Variants in PDE12 observed in about 807,000 individuals in gnomAD.
PDE12 encodes the protein 2',5'-phosphodiesterase 12.
PDE12 carries 26 observed loss-of-function variants against 45.4 expected under a neutral mutation model. The observed-to-expected ratio is 0.57, with a 90% CI of 0.42 to 0.79. The LOEUF is 0.79. PDE12 is among the 30% of genes least tolerant of loss of function. The pLI, the probability that PDE12 is intolerant of heterozygous loss-of-function variation, is 0.00. For missense variants in PDE12, 668 were observed against 790.0 expected, an observed-to-expected ratio of 0.85 and a Z score of 1.85; for synonymous variants, 283 against 323.9, an observed-to-expected ratio of 0.87 and a Z score of 1.36.
chr3:57,652,457 G>T, the PDE12 span, among the ~76,000 whole-genome samples: 1 of 152,078 alleles, frequency 6.6e-6, no homozygotes, highest in East Asian at 1.9e-4. Context: ...CAACTTGACT[G>T]CAACCACATA....
At chr3:57,636,020 T>G in the PDE12 span, among the ~76,000 whole-genome samples, 1 of 152,180 alleles carries the variant, frequency 6.6e-6, no homozygotes, top group African/African-American at 2.4e-5. Flanking sequence ...TCCCCTAGCT[T>G]ACTTTATTAT....
At chr3:57,568,068 C>CAA (rs11360766), downstream of PDE12, among the ~76,000 whole-genome samples, 121 of 47,502 alleles carry the variant, frequency 2.5e-3, 1 homozygote, top group African/African-American at 6.4e-3. Context: ...GACTCCATCT[C>CAA]AAAAAAAAAA....
At chr3:57,634,470 A>ATTAGTAT in the PDE12 span, 2 of 641,820 alleles carry the variant, frequency 3.1e-6, no homozygotes, top group Admixed American at 4.2e-5. Context: ...CCTATTTCAC[A>ATTAGTAT]TTAGTATACA....
chr3:57,631,809 G>A, the PDE12 span, among the ~76,000 whole-genome samples: 2 of 133,678 alleles, frequency 1.5e-5, no homozygotes, highest in Admixed American at 8.7e-5. Flanking sequence ...TGCAAGCTCT[G>A]CCTCTTGGGT....
the PDE12 span, among the ~76,000 whole-genome samples, chr3:57,580,200 T>A: frequency 6.6e-6 from 1 of 152,168 alleles, no homozygotes; most frequent in Admixed American, 6.5e-5. Context: ...TTATATATAT[T>A]ATCTAATCCT....
the PDE12 span, among the ~76,000 whole-genome samples, chr3:57,648,621 G>A: frequency 0.16 from 24,645 of 152,036 alleles, 2,675 homozygotes; most frequent in East Asian, 0.48. Flanking sequence ...AAACTACACT[G>A]TAAAGCCATA....
chr3:57,628,679 T>G, the PDE12 span: 1 of 894,614 alleles, frequency 1.1e-6, no homozygotes, highest in Non-Finnish European at 1.7e-6. Context: ...GTATCTACCA[T>G]CAATTGACCA....
the PDE12 span, among the ~76,000 whole-genome samples, chr3:57,589,729 CAAAA>C: frequency 3.3e-5 from 5 of 149,486 alleles, no homozygotes; most frequent in African/African-American, 1.2e-4. Context: ...AAAAAACAAA[CAAAA>C]AACCCAAAAA....
chr3:57,624,154 C>CTT, the PDE12 span, among the ~76,000 whole-genome samples: 2 of 144,190 alleles, frequency 1.4e-5, no homozygotes, highest in Admixed American at 7.0e-5. Flanking sequence ...TGTCTGACTA[C>CTT]TTTTTTTTTT....
At chr3:57,569,829 C>CAAA (rs11310053), downstream of PDE12, among the ~76,000 whole-genome samples, 311 of 67,590 alleles carry the variant, frequency 4.6e-3, 6 homozygotes, top group African/African-American at 0.015. Flanking sequence ...AAAACCATCT[C>CAAA]AAAAAAAAAA....
At position 57,559,973 on chromosome 3, in the gene PDE12, T is replaced by C. The variant is rs1285130624; in HGVS notation, c.1799T>C (p.Ile600Thr). 3 of 1,610,250 alleles carry C rather than the reference T, an allele frequency of 1.9e-6. No homozygotes were observed. Among genetic ancestry groups the C allele is most frequent in the Non-Finnish European group, 2.5e-6 (3 of 1,179,190 alleles). ...LPSVSHPSDH[I>T]ALVCDLKWK Reference sequence around the variant, plus strand: ...AGTGTTTCCCATCCCTCTGATCACATAGCACTTGTATGTGATTTAAAATGG... The same window carrying C: ...AGTGTTTCCCATCCCTCTGATCACACAGCACTTGTATGTGATTTAAAATGG... Residue 600 changes from isoleucine (I) to threonine (T), a missense_variant, in exon 3 of 3, where the codon ATA becomes ACA. Ile to Thr is a moderately conservative substitution (Grantham distance 89). Around this residue, in one of 3 missense-constraint regions of PDE12, gnomAD observed 79 missense variants for 97.9 expected, o/e 0.81. Coordinates refer to ENST00000311180, the MANE Select transcript of PDE12 (RefSeq NM_177966.7).
chr3:57,625,641 A>T, the PDE12 span: 1 of 145,644 alleles, frequency 6.9e-6, no homozygotes, highest in African/African-American at 2.5e-5. Context: ...AATTCTTCTT[A>T]AAAAAAAAAA....
chr3:57,583,306 T>A, the PDE12 span, among the ~76,000 whole-genome samples: 2 of 152,188 alleles, frequency 1.3e-5, no homozygotes, highest in Non-Finnish European at 2.9e-5. Context: ...GATATTCTGA[T>A]TCAAGTCATC....
rs780535611 is a variant in PDE12 at position 57,556,718 on chromosome 3, T to C, written c.339T>C (p.Pro113=). Residue 113 remains proline (P), a synonymous_variant, in exon 1 of 3, where the codon CCT becomes CCC. Coordinates refer to ENST00000311180, the MANE Select transcript of PDE12 (RefSeq NM_177966.7). The surrounding 1 kb of genome is among the most constrained non-coding windows in gnomAD (Gnocchi z 5.0). ...SGGAACSGPG[P]EPAVFCEPVV... ...GTGCGGCCTGTTCAGGGCCGGGGCCTGAGCCGGCTGTGTTCTGCGAGCCCG... is the reference window on the plus strand; with the variant it reads ...GTGCGGCCTGTTCAGGGCCGGGGCCCGAGCCGGCTGTGTTCTGCGAGCCCG... 1.3e-5 allele frequency: 21 copies of C among 1,595,116 alleles called. No homozygotes were observed. Among genetic ancestry groups the C allele is most frequent in the Non-Finnish European group, 3.4e-6 (4 of 1,167,514 alleles).
the PDE12 span, chr3:57,630,652 CT>C: frequency 3.2e-6 from 5 of 1,560,602 alleles, no homozygotes; most frequent in East Asian, 1.1e-4. Context: ...TTAAGTTTAG[CT>C]TTTTGTTTTG....
chr3:57,588,835 GC>G, the PDE12 span, among the ~76,000 whole-genome samples: 1,967 of 151,078 alleles, frequency 0.013, 41 homozygotes, highest in African/African-American at 0.045. Context: ...AGGCACAGTG[GC>G]TCACACCTGT....
chr3:57,583,790 G>C, the PDE12 span: 2,230 of 775,998 alleles, frequency 2.9e-3, 27 homozygotes, highest in African/African-American at 0.035. Flanking sequence ...TAAGACAAAT[G>C]CCAACTCATA....
chr3:57,578,533 A>C, the PDE12 span, among the ~76,000 whole-genome samples: 2 of 151,948 alleles, frequency 1.3e-5, no homozygotes, highest in South Asian at 4.2e-4. Context: ...GCCTAGGAGC[A>C]CAGTAGCACA....
the PDE12 span, chr3:57,641,822 C>CTT: frequency 3.3e-6 from 4 of 1,213,522 alleles, no homozygotes; most frequent in South Asian, 2.8e-5. Context: ...GAATAGTTTA[C>CTT]TTTTTTTTTC....
Sources: allele counts gnomAD v4.1 joint callset (sites outside exome capture counted in the v4.1 genomes callset), GRCh38; gene constraint gnomAD v4.1.1; regional missense constraint gnomAD v4.1.1; non-coding constraint Gnocchi (gnomAD v3.1); transcripts MANE v1.5; gene names NCBI Gene and HGNC (gene_info 2026-07-23, HGNC 2026-07-21).